The following NKAIN2 variants were observed in gnomAD, a reference collection of about 807,000 sequenced individuals.
NKAIN2 encodes sodium/potassium-transporting ATPase subunit beta-1-interacting protein 2.
In NKAIN2, 14 loss-of-function variants were observed where a neutral mutation model predicts 32.6. The ratio of observed to expected loss-of-function variants is 0.43; its 90% CI spans 0.28 to 0.67. NKAIN2 has a LOEUF of 0.67. Ranked by LOEUF, NKAIN2 falls within the 30% of genes least tolerant of loss-of-function variation. The pLI is 0.17. For missense variants in NKAIN2, 198 were observed against 258.3 expected (o/e 0.77, Z 1.60); for synonymous variants, 80 against 87.2 (o/e 0.92, Z 0.46).
chr6:124,608,785 C>T (rs1383675409), intron 3 of NKAIN2, among the ~76,000 whole-genome samples: 1 of 152,146 alleles, frequency 6.6e-6, no homozygotes, highest in African/African-American at 2.4e-5. Flanking sequence ...CTCGGGGCAA[C>T]AGAAAAGCTG....
At chr6:124,172,078 C>T (rs1368616771) in intron 1 of NKAIN2, among the ~76,000 whole-genome samples, 2 of 152,182 alleles carry the variant, frequency 1.3e-5, no homozygotes, top group Admixed American at 6.5e-5. Context: ...TCCCAAAGTG[C>T]TGGGATTACA....
intron 3 of NKAIN2, among the ~76,000 whole-genome samples, chr6:124,389,221 G>A (rs1773040420): frequency 6.6e-6 from 1 of 152,014 alleles, no homozygotes; most frequent in Admixed American, 6.6e-5. Context: ...ATTGGAATGA[G>A]ACTTAAGAAC....
intron 1 of NKAIN2, among the ~76,000 whole-genome samples, chr6:124,191,964 C>A (rs1473368354): frequency 1.3e-5 from 2 of 151,942 alleles, no homozygotes; most frequent in Non-Finnish European, 2.9e-5. Context: ...AAAATTTCTT[C>A]TGATACTGTA....
intron 4 of NKAIN2, among the ~76,000 whole-genome samples, chr6:124,682,356 C>T (rs1238084583): frequency 1.3e-5 from 2 of 152,018 alleles, no homozygotes; most frequent in Non-Finnish European, 2.9e-5. Context: ...AAGATGCTGG[C>T]ACTATATAAT....
chr6:124,512,771 G>A (rs1778762946), intron 3 of NKAIN2, among the ~76,000 whole-genome samples: 1 of 152,148 alleles, frequency 6.6e-6, no homozygotes, highest in Non-Finnish European at 1.5e-5. Context: ...GGAGAACTAT[G>A]AGCAAATAGA....
intron 3 of NKAIN2, among the ~76,000 whole-genome samples, chr6:124,597,401 ATAAT>A (rs1306224481): frequency 4.1e-4 from 62 of 151,480 alleles, no homozygotes; most frequent in African/African-American, 1.5e-3. Flanking sequence ...GTATTAATAA[ATAAT>A]ATTATTTATC....
At chr6:123,988,353 A>G (rs1779246140) in intron 1 of NKAIN2, among the ~76,000 whole-genome samples, 1 of 152,212 alleles carries the variant, frequency 6.6e-6, no homozygotes, top group African/African-American at 2.4e-5. Context: ...ACATTCCACA[A>G]ATAAAAATTG....
chr6:124,171,041 T>A (rs748990858), intron 1 of NKAIN2, among the ~76,000 whole-genome samples: 1 of 152,218 alleles, frequency 6.6e-6, no homozygotes, highest in African/African-American at 2.4e-5. Context: ...AAGGTTTTTT[T>A]TTAGAAAATT....
At chr6:124,010,954 ATTTGGC>A (rs1260076210) in intron 1 of NKAIN2, among the ~76,000 whole-genome samples, 1 of 152,006 alleles carries the variant, frequency 6.6e-6, no homozygotes, top group African/African-American at 2.4e-5. Flanking sequence ...ATTTTTATTG[ATTTGGC>A]TACTGACAAG....
chr6:124,275,995 C>G (rs568350169), intron 1 of NKAIN2, among the ~76,000 whole-genome samples: 15 of 151,972 alleles, frequency 9.9e-5, no homozygotes, highest in Non-Finnish European at 1.9e-4. Context: ...CGCCTGTAGT[C>G]ACATAGTGGT....
rs936989906 is a variant in NKAIN2 at position 124,708,416 on chromosome 6, T to C, written c.474+50030T>C. On this transcript the variant is annotated intron_variant, in intron 4 of 6. Coordinates refer to ENST00000368417, the MANE Select transcript of NKAIN2 (RefSeq NM_001040214.3). The stretch of plus-strand genomic sequence containing the variant: ...AGCTTGATGGGGATGGCATTGAATC[T>C]GTAAATTACCTTGGGCAGTATGGCC... 2.6e-5 allele frequency among the ~76,000 whole-genome samples: 4 copies of C among 151,948 alleles called. No homozygotes were observed. In the East Asian group the frequency reaches 5.8e-4, roughly 22 times the overall value.
intron 3 of NKAIN2, among the ~76,000 whole-genome samples, chr6:124,643,069 C>A (rs942565984): frequency 9.2e-5 from 14 of 152,074 alleles, no homozygotes; most frequent in African/African-American, 3.4e-4. Flanking sequence ...CTGGTTGCAC[C>A]ACATATCTCC....
chr6:124,179,366 A>T (rs1220581265), intron 1 of NKAIN2, among the ~76,000 whole-genome samples: 1 of 152,210 alleles, frequency 6.6e-6, no homozygotes. Context: ...ATTTGCAATC[A>T]GAAGGAAGTG....
intron 1 of NKAIN2, among the ~76,000 whole-genome samples, chr6:123,879,421 C>G (rs1373011658): frequency 6.6e-6 from 1 of 152,148 alleles, no homozygotes; most frequent in Non-Finnish European, 1.5e-5. Flanking sequence ...GGCTAAGTTG[C>G]TATAACAAAG....
At chr6:124,769,890 G>A (rs1282511040) in intron 4 of NKAIN2, among the ~76,000 whole-genome samples, 3 of 152,120 alleles carry the variant, frequency 2.0e-5, no homozygotes, top group African/African-American at 7.2e-5. Context: ...TGACATTCTT[G>A]TTTTAGGTAG....
chr6:124,149,958 C>T (rs559454496), intron 1 of NKAIN2, among the ~76,000 whole-genome samples: 1 of 152,178 alleles, frequency 6.6e-6, no homozygotes, highest in South Asian at 2.1e-4. Flanking sequence ...TTATTGTTCC[C>T]CTTTCGGTGA....
intron 1 of NKAIN2, among the ~76,000 whole-genome samples, chr6:123,844,027 T>A (rs139723863): frequency 1.3e-5 from 2 of 152,118 alleles, no homozygotes; most frequent in Non-Finnish European, 2.9e-5. Context: ...GGAGGTTCTG[T>A]CATCAGGTAG....
chr6:124,720,338 G>A (rs879309197), intron 4 of NKAIN2, among the ~76,000 whole-genome samples: 39 of 152,178 alleles, frequency 2.6e-4, no homozygotes, highest in African/African-American at 7.9e-4. Context: ...ACCTTTACCC[G>A]CAATTGACAA....
At chr6:124,051,979 G>A (rs967907591) in intron 1 of NKAIN2, among the ~76,000 whole-genome samples, 18 of 151,972 alleles carry the variant, frequency 1.2e-4, no homozygotes, top group African/African-American at 4.3e-4. Context: ...AGACTGCCTG[G>A]GAGGGGCCAA....
Sources: gnomAD v4.1 joint callset for allele counts (sites outside exome capture counted in the v4.1 genomes callset) on GRCh38, gnomAD v4.1.1 for gene constraint, MANE v1.5 for transcripts, NCBI Gene and HGNC (gene_info 2026-07-23, HGNC 2026-07-21) for gene names.